The following DSG2 variants were observed in gnomAD, a reference collection of about 807,000 sequenced individuals.
DSG2 encodes the protein desmoglein-2.
In DSG2, 45 loss-of-function variants were observed where a neutral mutation model predicts 75.6. The observed-to-expected ratio is 0.60, with a 90% CI of 0.47 to 0.76. The LOEUF (loss-of-function observed/expected upper bound fraction) is 0.76, where lower values mean the gene tolerates loss of function less well. DSG2 is among the 30% of genes least tolerant of loss of function. DSG2 has a pLI of 0.00. For synonymous variants in DSG2, 429 were observed against 483.9 expected (o/e 0.89, Z 1.49); for missense variants, 1,267 against 1,357.4 (o/e 0.93, Z 1.05).
chr18:31,521,979 G>A, intron 5 of DSG2, 104 bp from the exon 6 acceptor site: 1 of 1,032,686 alleles, frequency 9.7e-7, no homozygotes, highest in Non-Finnish European at 1.4e-6. Context: ...ATTTTGATAA[G>A]CACCTGAAAT....
intron 6 of DSG2, among the ~76,000 whole-genome samples, 184 bp from the exon 7 acceptor site, chr18:31,524,264 T>C (rs1051449658): frequency 3.3e-5 from 5 of 152,246 alleles, no homozygotes; most frequent in Non-Finnish European, 7.3e-5. Flanking sequence ...TCCCGAGGCT[T>C]TTCTGTTCTT....
At chr18:31,522,502 A>G in intron 6 of DSG2, 1 of 312,046 alleles carries the variant, frequency 3.2e-6, no homozygotes, top group East Asian at 5.2e-5. Flanking sequence ...GATTTGAAAA[A>G]CTTAATATGA....
chr18:31,542,305 CT>C (rs2073273154), intron 13 of DSG2: 1 of 609,712 alleles, frequency 1.6e-6, no homozygotes, highest in African/African-American at 1.8e-5. Flanking sequence ...TTTGTTTTCT[CT>C]TTGGGTTCTA....
chr18:31,522,451 T>C (rs1004455000), intron 6 of DSG2: 20 of 548,080 alleles, frequency 3.6e-5, no homozygotes, highest in Non-Finnish European at 6.5e-5. Context: ...GCCCAAATTG[T>C]AATGTGCTGT....
In DSG2 at chr18:31,518,226, TTTTA is replaced by T. The variant is rs766007376; in HGVS notation, c.46-9_46-6del. 6.2e-6 allele frequency: 10 copies of T among 1,609,188 alleles called. No individual in the cohort carries two copies. ...AGTAAATTGGCTAAATATCAAATAA[TTTTA>T]TTTTACAGATCTGCTTTAACGTTGG... On this transcript the variant is annotated splice_polypyrimidine_tract_variant and intron_variant, in intron 1 of 14. Coordinates refer to ENST00000261590, the MANE Select transcript of DSG2 (RefSeq NM_001943.5).
At chr18:31,537,840 T>G (rs1286716251) in intron 11 of DSG2, among the ~76,000 whole-genome samples, 2 of 151,192 alleles carry the variant, frequency 1.3e-5, no homozygotes, top group Non-Finnish European at 2.9e-5. Context: ...CCATCTCTAC[T>G]ATAAATACAA....
chr18:31,508,480 G>A (rs567066968), intron 1 of DSG2, among the ~76,000 whole-genome samples: 2 of 151,866 alleles, frequency 1.3e-5, no homozygotes, highest in East Asian at 1.9e-4. Flanking sequence ...TGCAACCTCC[G>A]CCTCCTGGGT....
chr18:31,521,430 C>T (rs1377293478), intron 5 of DSG2, among the ~76,000 whole-genome samples, 187 bp downstream of exon 5: 1 of 151,994 alleles, frequency 6.6e-6, no homozygotes, highest in African/African-American at 2.4e-5. Flanking sequence ...TGCTTTTACC[C>T]TCAGAACAGA....
intron 1 of DSG2, among the ~76,000 whole-genome samples, chr18:31,498,519 C>T (rs2072996784): frequency 6.6e-6 from 1 of 152,182 alleles, no homozygotes; most frequent in Non-Finnish European, 1.5e-5. Context: ...AAGTTGCGAC[C>T]TATCGAAGTT....
At chr18:31,520,464 T>C (rs1180499268) in intron 3 of DSG2, among the ~76,000 whole-genome samples, 1 of 151,990 alleles carries the variant, frequency 6.6e-6, no homozygotes, top group Non-Finnish European at 1.5e-5. Flanking sequence ...AACCCTTCAT[T>C]TTTTTCCCCC....
At chr18:31,533,894 T>G (rs2073212362) in intron 9 of DSG2, among the ~76,000 whole-genome samples, 1 of 152,194 alleles carries the variant, frequency 6.6e-6, no homozygotes, top group Non-Finnish European at 1.5e-5. Context: ...ACAATTTGAT[T>G]GAGCAAACCA....
At chr18:31,527,157 T>C (rs553657883) in intron 8 of DSG2, among the ~76,000 whole-genome samples, 7 of 152,330 alleles carry the variant, frequency 4.6e-5, no homozygotes, top group Admixed American at 1.3e-4. Context: ...CTATACCTTT[T>C]CTATGTTTAA....
At chr18:31,522,477 G>A (rs2073134752) in intron 6 of DSG2, 1 of 419,934 alleles carries the variant, frequency 2.4e-6, no homozygotes, top group Non-Finnish European at 4.3e-6. Context: ...CGTTGAATGT[G>A]TAATATATGC....
At chr18:31,503,351 A>G (rs1411087433) in intron 1 of DSG2, among the ~76,000 whole-genome samples, 1 of 152,222 alleles carries the variant, frequency 6.6e-6, no homozygotes, top group Non-Finnish European at 1.5e-5. Flanking sequence ...GAGAATAATT[A>G]TAAATTAGTG....
At chr18:31,510,259 T>G (rs111702743) in intron 1 of DSG2, among the ~76,000 whole-genome samples, 1,912 of 152,354 alleles carry the variant, frequency 0.013, 46 homozygotes, top group African/African-American at 0.044. Context: ...TTATAGTGAC[T>G]GAAAGTTGAA....
At chr18:31,514,984 G>A (rs1316191079) in intron 1 of DSG2, among the ~76,000 whole-genome samples, 2 of 152,098 alleles carry the variant, frequency 1.3e-5, no homozygotes, top group Non-Finnish European at 2.9e-5. Flanking sequence ...TGCTAGGGCC[G>A]GTAAGATTGT....
chr18:31,518,725 TAA>T (rs11391914), intron 2 of DSG2, among the ~76,000 whole-genome samples: 1 of 148,556 alleles, frequency 6.7e-6, no homozygotes, highest in African/African-American at 2.5e-5. Context: ...TTTGTTCAAG[TAA>T]AAAAAAAAAT....
chr18:31,546,064 C>G lies in DSG2; in HGVS notation c.2678C>G (p.Ser893Cys). The change falls in exon 15 of 15, where the codon TCT becomes TGT. Residue 893 changes from serine (S) to cysteine (C), a missense_variant. Physicochemically the swap from Ser to Cys is moderately radical, Grantham distance 112. Coordinates refer to ENST00000261590, the MANE Select transcript of DSG2 (RefSeq NM_001943.5). Reference sequence around the variant, plus strand: ...GGCAGTAGCTTCCCAGTTCCAAAATCTTTGCAAGAAGCCAATGCAGAGAAA... The same window carrying G: ...GGCAGTAGCTTCCCAGTTCCAAAATGTTTGCAAGAAGCCAATGCAGAGAAA... ...SSGSSFPVPK[S>C]LQEANAEKVT... 1.2e-6 allele frequency: 2 copies of G among 1,614,206 alleles called. No homozygotes were observed. Among genetic ancestry groups the G allele is most frequent in the East Asian group, 2.2e-5 (1 of 44,884 alleles).
In DSG2 at chr18:31,521,939, T is replaced by G. The variant is rs143460828; in HGVS notation, c.524-144T>G. ...ATTCACGCTTATGTCCTCATCCAGT[T>G]AAATGTTATATTGTGGTCAACTGTA... On this transcript the variant is annotated intron_variant, in intron 5 of 14. Transcript: ENST00000261590. The G allele has an allele frequency of 1.3e-4, 90 of 704,572 alleles. 2 individuals are homozygous for G. The East Asian group carries it at 2.0e-3, about 16-fold the overall frequency. The allele number at this position is 704,572 out of a possible 1,614,324, so 43.6% of individuals were successfully genotyped here.
Sources: allele counts gnomAD v4.1 joint callset (sites outside exome capture counted in the v4.1 genomes callset), GRCh38; gene constraint gnomAD v4.1.1; transcripts MANE v1.5; gene names NCBI Gene and HGNC (gene_info 2026-07-23, HGNC 2026-07-21).